Variants in BRD4 observed in about 807,000 individuals in gnomAD.
BRD4 encodes bromodomain containing 4.
In BRD4, 16 loss-of-function variants were observed where a neutral mutation model predicts 142.1. That is an observed-to-expected ratio of 0.11 (90% CI 0.08 to 0.17). The LOEUF (loss-of-function observed/expected upper bound fraction) is 0.17. Among genes scored for constraint, BRD4 ranks in the 10% least tolerant of loss-of-function variants. The pLI is 1.00. For synonymous variants in BRD4, 833 were observed against 707.5 expected (o/e 1.18, Z -2.82); for missense variants, 1,424 against 1,810.9 (o/e 0.79, Z 3.88).
chr19:15,262,547 A>G (rs965930868), intron 7 of BRD4, among the ~76,000 whole-genome samples: 2 of 151,130 alleles, frequency 1.3e-5, no homozygotes, highest in African/African-American at 2.4e-5. Context: ...AAAAAAGAAA[A>G]AAAAAAAGAA....
intron 1 of BRD4, among the ~76,000 whole-genome samples, chr19:15,299,899 C>A (rs2047853444): frequency 6.6e-6 from 1 of 152,202 alleles, no homozygotes; most frequent in South Asian, 2.1e-4. Context: ...AACTGCTGTT[C>A]TACAGAGAGC....
At chr19:15,249,379 C>A (rs1330690832) in intron 11 of BRD4, 5 of 1,605,084 alleles carry the variant, frequency 3.1e-6, no homozygotes, top group Non-Finnish European at 3.4e-6. Context: ...GCAGACTGAG[C>A]CAACCTCCTG....
chr19:15,261,302 G>C (rs189000723), intron 7 of BRD4, among the ~76,000 whole-genome samples: 1 of 150,718 alleles, frequency 6.6e-6, no homozygotes, highest in Admixed American at 6.6e-5. Context: ...CTGACCAATC[G>C]GCAAAACCCC....
In BRD4 at chr19:15,251,644, G is replaced by C. The variant is rs116893386; in HGVS notation, c.2158+2508C>G. On this transcript the variant is annotated intron_variant, in intron 11 of 19. Coordinates refer to ENST00000679869, the MANE Select transcript of BRD4 (RefSeq NM_001379291.1). ...ACGCCCCCTCTGCCCCCCGCCCTGA[G>C]AGTGCAGAGTCCTGTGCGGGACAGG... Among the ~76,000 whole-genome samples the C allele has an allele frequency of 7.9e-5, 12 of 152,318 alleles. No homozygotes were observed. In the East Asian group the frequency reaches 1.4e-3, roughly 17 times the overall value.
chr19:15,316,335 G>A (rs1427689643), intron 1 of BRD4, among the ~76,000 whole-genome samples: 1 of 151,920 alleles, frequency 6.6e-6, no homozygotes, highest in Non-Finnish European at 1.5e-5. Flanking sequence ...AGTAGCAAAA[G>A]GATAAATGGA....
chr19:15,282,683 T>C (rs540389808), intron 1 of BRD4, among the ~76,000 whole-genome samples: 4 of 152,352 alleles, frequency 2.6e-5, no homozygotes, highest in African/African-American at 9.6e-5. Context: ...AGAGTGGCAT[T>C]TTCTCCTTGT....
chr19:15,284,469 C>T (rs1341278905), intron 1 of BRD4, among the ~76,000 whole-genome samples: 2 of 152,166 alleles, frequency 1.3e-5, no homozygotes, highest in South Asian at 4.1e-4. Context: ...CTGATACACA[C>T]CCCCAAGGGT....
intron 11 of BRD4, chr19:15,249,391 G>A (rs1402678351): frequency 2.1e-5 from 34 of 1,590,864 alleles, no homozygotes; most frequent in Admixed American, 3.5e-5. Flanking sequence ...AACCTCCTGC[G>A]CCCTGGTGGC....
intron 7 of BRD4, among the ~76,000 whole-genome samples, chr19:15,260,466 C>A (rs919717525): frequency 6.6e-6 from 1 of 152,188 alleles, no homozygotes; most frequent in South Asian, 2.1e-4. Context: ...AACACAACTG[C>A]CCACTGAAGA....
At position 15,243,416 on chromosome 19, in the gene BRD4, C is replaced by T. The variant is rs769217775; in HGVS notation, c.2653G>A (p.Ala885Thr). Residue 885 changes from alanine to threonine, a missense_variant, in exon 14 of 20, where the codon GCC becomes ACC. Coordinates refer to ENST00000679869, the MANE Select transcript of BRD4 (RefSeq NM_001379291.1). ...GCTGGTGACACGGCTGGGGGCCGGGCGGGCTTGGGAGGCAGGGCAGCGGCT... is the reference window on the plus strand; with the variant it reads ...GCTGGTGACACGGCTGGGGGCCGGGTGGGCTTGGGAGGCAGGGCAGCGGCT... Reference protein sequence around the residue: ...NRAAALPPKPARPPAVSPALT... With the variant: ...NRAAALPPKPTRPPAVSPALT... The T allele has an allele frequency of 2.0e-5, 31 of 1,559,668 alleles. No homozygotes were observed. Among genetic ancestry groups the T allele is most frequent in the East Asian group, 1.2e-4 (5 of 42,986 alleles).
chr19:15,265,248 A>C (rs1373045246), intron 5 of BRD4, 106 bp downstream of exon 5: 16 of 1,135,632 alleles, frequency 1.4e-5, no homozygotes, highest in Non-Finnish European at 1.9e-5. Flanking sequence ...CCCCAGAAAC[A>C]CCCACCAGTG....
chr19:15,252,782 T>A (rs1204478615), intron 11 of BRD4, among the ~76,000 whole-genome samples: 1 of 152,164 alleles, frequency 6.6e-6, no homozygotes, highest in African/African-American at 2.4e-5. Context: ...TGGAGGGTCC[T>A]TCAGCCCACT....
At chr19:15,264,961 G>A (rs1428122092) in intron 5 of BRD4, among the ~76,000 whole-genome samples, 195 bp from the exon 6 acceptor site, 1 of 152,242 alleles carries the variant, frequency 6.6e-6, no homozygotes, top group African/African-American at 2.4e-5. Context: ...GCTGGGACAG[G>A]ACCTGCCTGT....
intron 11 of BRD4, chr19:15,253,608 G>C (rs766756904): frequency 6.3e-7 from 1 of 1,594,328 alleles, no homozygotes; most frequent in Non-Finnish European, 8.5e-7. Context: ...GGTAGGCAAT[G>C]GCTGGGGCCC....
At chr19:15,310,295 C>T (rs1162223246) in intron 1 of BRD4, among the ~76,000 whole-genome samples, 1 of 131,456 alleles carries the variant, frequency 7.6e-6, no homozygotes, top group East Asian at 2.3e-4. Flanking sequence ...CTCACTGCAA[C>T]CTCCGCCTCC....
chr19:15,258,608 C>T (rs1156559679), intron 7 of BRD4, among the ~76,000 whole-genome samples: 2 of 152,030 alleles, frequency 1.3e-5, no homozygotes, highest in Non-Finnish European at 2.9e-5. Flanking sequence ...TTTCTTTCTT[C>T]TTCTTCTTCT....
chr19:15,325,248 G>T (rs1336722652), intron 1 of BRD4, among the ~76,000 whole-genome samples: 2 of 152,228 alleles, frequency 1.3e-5, no homozygotes, highest in East Asian at 3.8e-4. Flanking sequence ...TACACAGCAG[G>T]TAGCAGGGCC....
At chr19:15,313,851 G>A (rs1346329068) in intron 1 of BRD4, among the ~76,000 whole-genome samples, 2 of 152,084 alleles carry the variant, frequency 1.3e-5, no homozygotes, top group South Asian at 2.1e-4. Flanking sequence ...CTTGCTTACC[G>A]CTGACCTCCA....
chr19:15,275,698 T>A (rs570330143), intron 1 of BRD4: 3 of 152,258 alleles, frequency 2.0e-5, no homozygotes, highest in Middle Eastern at 6.8e-3. Context: ...AAGGAGGCTC[T>A]GAAGATAACC....
Sources: allele counts gnomAD v4.1 joint callset (sites outside exome capture counted in the v4.1 genomes callset), GRCh38; gene constraint gnomAD v4.1.1; transcripts MANE v1.5; gene names NCBI Gene and HGNC (gene_info 2026-07-23, HGNC 2026-07-21).